Variants in VSTM2B observed in about 807,000 individuals in gnomAD.
The protein encoded by VSTM2B is V-set and transmembrane domain-containing protein 2B.
A neutral mutation model predicts 24.0 loss-of-function variants in VSTM2B; 24 were observed. The observed-to-expected ratio is 1.00, with a 90% CI of 0.72 to 1.40. The LOEUF (loss-of-function observed/expected upper bound fraction) is 1.40, where lower values mean the gene tolerates loss of function less well. Among genes scored for constraint, VSTM2B ranks in the 40% most tolerant of loss-of-function variants. VSTM2B has a pLI of 0.00. For missense variants in VSTM2B, 399 were observed against 416.4 expected, an observed-to-expected ratio of 0.96 and a Z score of 0.36; for synonymous variants, 226 against 194.4, an observed-to-expected ratio of 1.16 and a Z score of -1.35.
intron 4 of VSTM2B, among the ~76,000 whole-genome samples, chr19:29,531,479 C>T (rs948889831): frequency 6.6e-6 from 1 of 152,212 alleles, no homozygotes; most frequent in Non-Finnish European, 1.5e-5. Context: ...TCCTTAGTGT[C>T]ACCATCTCAT....
At chr19:29,548,322 C>G (rs892797510) in intron 4 of VSTM2B, among the ~76,000 whole-genome samples, 1 of 152,094 alleles carries the variant, frequency 6.6e-6, no homozygotes, top group East Asian at 1.9e-4. Context: ...GGCAGGAGGA[C>G]CTGTGCATGT....
At chr19:29,558,071 T>C (rs907633726) in intron 4 of VSTM2B, among the ~76,000 whole-genome samples, 2 of 152,106 alleles carry the variant, frequency 1.3e-5, no homozygotes, top group African/African-American at 4.8e-5. Flanking sequence ...AAAACATTTA[T>C]GCAGCCAACA....
intron 4 of VSTM2B, among the ~76,000 whole-genome samples, chr19:29,556,559 A>G (rs1970413586): frequency 6.6e-6 from 1 of 151,806 alleles, no homozygotes; most frequent in South Asian, 2.1e-4. Flanking sequence ...GAAAGAAATA[A>G]AGGATATTCA....
At chr19:29,550,912 G>A (rs1970267549) in intron 4 of VSTM2B, among the ~76,000 whole-genome samples, 1 of 152,110 alleles carries the variant, frequency 6.6e-6, no homozygotes, top group South Asian at 2.1e-4. Context: ...CAGGGGCAAG[G>A]GACCTGGCCA....
At chr19:29,557,852 G>C (rs774612371) in intron 4 of VSTM2B, among the ~76,000 whole-genome samples, 3 of 152,118 alleles carry the variant, frequency 2.0e-5, no homozygotes, top group Non-Finnish European at 4.4e-5. Flanking sequence ...TGACAAATGG[G>C]ATCTAATTAA....
At chr19:29,554,472 A>T (rs1321553160) in intron 4 of VSTM2B, among the ~76,000 whole-genome samples, 1 of 152,246 alleles carries the variant, frequency 6.6e-6, no homozygotes, top group East Asian at 1.9e-4. Flanking sequence ...AACACACTGA[A>T]GTACAAAGAC....
Position 29,564,142 on chromosome 19 carries a change from G to T in VSTM2B, c.*208G>T. On this transcript the variant is annotated 3_prime_UTR_variant, in exon 5 of 5. Transcript: ENST00000335523. ...CTAGTTTCCAAATAATTTGGAGTTT[G>T]GCCCATGCAGTCTGCATGGGAATCA... 1.9e-6 allele frequency: 1 copy of T among 520,122 alleles called. No homozygotes were observed. The highest frequency in any genetic ancestry group is 5.2e-4 in the Middle Eastern group (1 of 1,932). 32.2% of individuals were successfully genotyped at this position (520,122 alleles called of 1,614,324 possible).
intron 4 of VSTM2B, among the ~76,000 whole-genome samples, chr19:29,534,567 T>G (rs1210070727): frequency 6.6e-6 from 1 of 151,810 alleles, no homozygotes; most frequent in Non-Finnish European, 1.5e-5. Flanking sequence ...ACACAAAAAA[T>G]TAGCTGGGTG....
At chr19:29,554,910 T>C (rs1229280092) in intron 4 of VSTM2B, among the ~76,000 whole-genome samples, 1 of 152,198 alleles carries the variant, frequency 6.6e-6, no homozygotes, top group Non-Finnish European at 1.5e-5. Flanking sequence ...CCCAGATTCA[T>C]AAAACAAGTT....
chr19:29,544,296 G>A (rs1313881444), intron 4 of VSTM2B, among the ~76,000 whole-genome samples: 1 of 151,704 alleles, frequency 6.6e-6, no homozygotes, highest in East Asian at 1.9e-4. Flanking sequence ...GGAGGCCGAG[G>A]CAGGCGGATC....
chr19:29,539,131 C>T lies in VSTM2B; in HGVS notation c.769+8841C>T, dbSNP rs76262072. The stretch of plus-strand genomic sequence containing the variant: ...GGTTGGGGCTGTTTGCCATAAGTCA[C>T]GAGCTCCTTGGTGAACAAGGACAGC... On this transcript the variant is annotated intron_variant, in intron 4 of 4. Coordinates refer to ENST00000335523, the MANE Select transcript of VSTM2B (RefSeq NM_001146339.2). 3.7e-3 allele frequency among the ~76,000 whole-genome samples: 562 copies of T among 152,200 alleles called. 25 individuals carry two copies. In the East Asian group the frequency reaches 0.091, roughly 25 times the overall value.
At chr19:29,545,490 G>A (rs1382256860) in intron 4 of VSTM2B, among the ~76,000 whole-genome samples, 1 of 152,182 alleles carries the variant, frequency 6.6e-6, no homozygotes, top group Non-Finnish European at 1.5e-5. Context: ...GCACATGCCT[G>A]TAACCCCAGC....
chr19:29,555,616 C>T (rs1970388077), intron 4 of VSTM2B, among the ~76,000 whole-genome samples: 1 of 151,604 alleles, frequency 6.6e-6, no homozygotes, highest in Non-Finnish European at 1.5e-5. Context: ...TTAATGAATC[C>T]AGGAGCTAGT....
chr19:29,555,049 G>A (rs1161519690), intron 4 of VSTM2B, among the ~76,000 whole-genome samples: 2 of 152,120 alleles, frequency 1.3e-5, no homozygotes, highest in Non-Finnish European at 2.9e-5. Flanking sequence ...CTCAGCTCTG[G>A]ATTAAGTGGA....
In VSTM2B at chr19:29,526,471, G is replaced by A. The variant is rs1287888491; in HGVS notation, c.-113G>A. On this transcript the variant is annotated 5_prime_UTR_variant, in exon 1 of 5. Coordinates refer to ENST00000335523, the MANE Select transcript of VSTM2B (RefSeq NM_001146339.2). This position sits in a 1 kb window ranked among gnomAD's most constrained non-coding sequence, Gnocchi z 4.1. ...GCGGCCAGGGGAGGGGGCGCCGCGC[G>A]GGGCCATGGCAGGCTCGGAGGCGTC... 1.4e-5 allele frequency: 8 copies of A among 592,222 alleles called. No individual in the cohort carries two copies. Among genetic ancestry groups the A allele is most frequent in the Non-Finnish European group, 1.9e-5 (8 of 423,126 alleles). The allele number at this position is 592,222 out of a possible 1,614,324, so 36.7% of individuals were successfully genotyped here.
intron 4 of VSTM2B, among the ~76,000 whole-genome samples, chr19:29,548,579 G>T (rs1331258488): frequency 1.3e-5 from 2 of 152,214 alleles, no homozygotes; most frequent in Non-Finnish European, 2.9e-5. Context: ...CAGCCTCCTT[G>T]CAAGGTGGCA....
In VSTM2B at chr19:29,526,462, G is replaced by A. The variant is rs375591410; in HGVS notation, c.-122G>A. On this transcript the variant is annotated 5_prime_UTR_variant, in exon 1 of 5. Transcript: ENST00000335523. This position sits in a 1 kb window ranked among gnomAD's most constrained non-coding sequence, Gnocchi z 4.1. ...CGGCCGCCGGCGGCCAGGGGAGGGG[G>A]CGCCGCGCGGGGCCATGGCAGGCTC... 6.2e-5 allele frequency: 31 copies of A among 503,006 alleles called. No individual in the cohort carries two copies. In the Admixed American group the frequency reaches 1.3e-3, roughly 20 times the overall value. The allele number at this position is 503,006 out of a possible 1,614,324, so 31.2% of individuals were successfully genotyped here. A position where few individuals can be genotyped will look rare whatever the true frequency, so the allele number is the denominator to read the frequency against.
intron 4 of VSTM2B, among the ~76,000 whole-genome samples, chr19:29,546,270 C>A (rs1407177421): frequency 6.6e-6 from 1 of 152,168 alleles, no homozygotes; most frequent in Non-Finnish European, 1.5e-5. Flanking sequence ...TTACCTGGAG[C>A]TCAAGACACT....
chr19:29,530,160 C>G lies in VSTM2B; in HGVS notation c.639C>G (p.Pro213=), dbSNP rs1969706875. The change falls in exon 4 of 5, where the codon CCC becomes CCG. Residue 213 remains proline, a synonymous_variant. Transcript: ENST00000335523. ...PPGSPPAAID[P]AVPEAAAASA... Reference sequence around the variant, plus strand: ...GGAGCCCTCCCGCCGCCATCGATCCCGCAGTCCCCGAGGCCGCGGCAGCCT... The same window carrying G: ...GGAGCCCTCCCGCCGCCATCGATCCGGCAGTCCCCGAGGCCGCGGCAGCCT... 6.7e-7 allele frequency: 1 copy of G among 1,482,290 alleles called. No homozygotes were observed. Among genetic ancestry groups the G allele is most frequent in the South Asian group, 1.3e-5 (1 of 78,650 alleles). 91.8% of individuals were successfully genotyped at this position (1,482,290 alleles called of 1,614,324 possible). A position where few individuals can be genotyped will look rare whatever the true frequency, so the allele number is the denominator to read the frequency against.
Sources: gnomAD v4.1 joint callset for allele counts (sites outside exome capture counted in the v4.1 genomes callset) on GRCh38, gnomAD v4.1.1 for gene constraint, Gnocchi (gnomAD v3.1) non-coding constraint, MANE v1.5 for transcripts, NCBI Gene and HGNC (gene_info 2026-07-23, HGNC 2026-07-21) for gene names.